FAT3: variants seen among roughly 807,000 people sequenced by gnomAD.
FAT3 encodes protocadherin Fat 3.
In FAT3, 95 loss-of-function variants were observed where a neutral mutation model predicts 310.2. The ratio of observed to expected loss-of-function variants is 0.31; its 90% confidence interval spans 0.26 to 0.36. FAT3 has a LOEUF of 0.36. Among genes scored for constraint, FAT3 ranks in the 10% least tolerant of loss-of-function variants. FAT3 has a pLI of 1.00. For missense variants in FAT3, 5,408 were observed against 5,715.6 expected, an observed-to-expected ratio of 0.95 and a Z score of 1.74; for synonymous variants, 2,314 against 2,192.9, an observed-to-expected ratio of 1.06 and a Z score of -1.54.
In FAT3 at chr11:92,352,941, G is replaced by C. The variant is rs1013692103; in HGVS notation, c.829G>C (p.Glu277Gln). The C allele has an allele frequency of 6.2e-7, 1 of 1,613,842 alleles. No individual in the cohort carries two copies. Among genetic ancestry groups the C allele is most frequent in the Admixed American group, 1.7e-5 (1 of 59,970 alleles). Residue 277 changes from glutamate to glutamine, a missense_variant, in exon 2 of 28, where the codon GAA (glutamate) becomes CAA (glutamine). This residue lies in a region of FAT3 where 4,588 missense variants were observed against 4,809.8 expected (regional missense o/e 0.95). Coordinates refer to ENST00000525166, the MANE Select transcript of FAT3 (RefSeq NM_001367949.2). The part of the protein sequence containing the change: ...HVVTHVPFSL[E>Q]KEPTYAVVTV... Reference sequence around the variant, plus strand: ...AGTCACTCATGTTCCTTTCTCGTTGGAAAAAGAGCCAACATATGCAGTGGT... The same window carrying C: ...AGTCACTCATGTTCCTTTCTCGTTGCAAAAAGAGCCAACATATGCAGTGGT...
At chr11:92,865,272 G>C (rs181115009) in intron 21 of FAT3, among the ~76,000 whole-genome samples, 1 of 152,224 alleles carries the variant, frequency 6.6e-6, no homozygotes, top group Admixed American at 6.5e-5. Context: ...AATACGTGAC[G>C]TGTGAGAATG....
intron 13 of FAT3, among the ~76,000 whole-genome samples, chr11:92,822,123 C>A (rs1415115086): frequency 6.6e-6 from 1 of 152,068 alleles, no homozygotes; most frequent in East Asian, 1.9e-4. Flanking sequence ...CCAGTTTCTT[C>A]CAAACAGGGA....
At chr11:92,229,491 TG>T (rs67286215) in intron 1 of FAT3, among the ~76,000 whole-genome samples, 13,975 of 65,566 alleles carry the variant, frequency 0.21, 3,154 homozygotes, top group Non-Finnish European at 0.28. Flanking sequence ...TGTTTTTTCG[TG>T]TTTTTTTTTT....
intron 1 of FAT3, among the ~76,000 whole-genome samples, chr11:92,269,738 C>T (rs538287699): frequency 1.3e-5 from 2 of 152,198 alleles, no homozygotes; most frequent in East Asian, 3.9e-4. Context: ...TTGAGTATCA[C>T]CATATTCGAA....
intron 1 of FAT3, among the ~76,000 whole-genome samples, chr11:92,291,141 G>A (rs1269575169): frequency 6.8e-6 from 1 of 146,704 alleles, no homozygotes; most frequent in African/African-American, 2.5e-5. Flanking sequence ...AAGTAGGTGG[G>A]TATTTTCTCC....
At chr11:92,757,510 A>T (rs1457022701) in intron 4 of FAT3, among the ~76,000 whole-genome samples, 3 of 151,832 alleles carry the variant, frequency 2.0e-5, no homozygotes, top group Non-Finnish European at 4.4e-5. Flanking sequence ...CACTGCTGCT[A>T]CTCCTTTCAT....
chr11:92,772,136 C>T (rs1477081819), intron 6 of FAT3, among the ~76,000 whole-genome samples: 1 of 152,132 alleles, frequency 6.6e-6, no homozygotes, highest in Non-Finnish European at 1.5e-5. Flanking sequence ...CCCCCACCTC[C>T]AAATAATATC....
chr11:92,785,192 T>C (rs924713266), intron 7 of FAT3, among the ~76,000 whole-genome samples: 1 of 152,174 alleles, frequency 6.6e-6, no homozygotes, highest in Admixed American at 6.6e-5. Context: ...AAGTGAGTGA[T>C]AGTGCAGCCA....
At chr11:92,529,159 A>G (rs1296422412) in intron 3 of FAT3, among the ~76,000 whole-genome samples, 1 of 152,246 alleles carries the variant, frequency 6.6e-6, no homozygotes, top group South Asian at 2.1e-4. Flanking sequence ...AAACAGAACC[A>G]TCATACTTAC....
At chr11:92,612,350 G>C (rs1473926973) in intron 3 of FAT3, among the ~76,000 whole-genome samples, 1 of 151,850 alleles carries the variant, frequency 6.6e-6, no homozygotes, top group Non-Finnish European at 1.5e-5. Context: ...CATTTTATCA[G>C]TTTTGCTGGT....
intron 3 of FAT3, among the ~76,000 whole-genome samples, chr11:92,593,437 A>G (rs967644377): frequency 6.7e-6 from 1 of 148,490 alleles, no homozygotes; most frequent in Non-Finnish European, 1.5e-5. Context: ...GTCACATGCC[A>G]TTTTCTTTTT....
chr11:92,891,166 T>C lies in FAT3; in HGVS notation c.*53T>C, dbSNP rs1591866532. The C allele has an allele frequency of 6.3e-7, 1 of 1,584,184 alleles. No homozygotes were observed. The highest frequency in any genetic ancestry group is 1.1e-5 in the South Asian group (1 of 87,878). Reference sequence around the variant, plus strand: ...TTTGTTACAGAAAAGTGGAAGCAGATTGGCTGGGCTTCTGTCCCAGTGGAG... The same window carrying C: ...TTTGTTACAGAAAAGTGGAAGCAGACTGGCTGGGCTTCTGTCCCAGTGGAG... On this transcript the variant is annotated 3_prime_UTR_variant, in exon 28 of 28. Transcript: ENST00000525166.
rs771013164 is a variant in FAT3 at position 92,844,535 on chromosome 11, C to T, written c.11168C>T (p.Ser3723Phe). ...CCAGCCTACCTGATCCAGAAGCTGT[C>T]CAATGCTAGAAGACACCTGGAGAAT... ...YKPAYLIQKL[S>F]NARRHLENIM... Residue 3723 changes from serine (S) to phenylalanine (F), a missense_variant, in exon 19 of 28, where the codon TCC (serine) becomes TTC (phenylalanine). Ser to Phe is a radical substitution (Grantham distance 155). Transcript: ENST00000525166. 6 of 1,613,992 alleles carry T rather than the reference C, an allele frequency of 3.7e-6. No homozygotes were observed. In the South Asian group the frequency reaches 6.6e-5, roughly 18 times the overall value.
At chr11:92,264,942 C>A (rs1163267824) in intron 1 of FAT3, among the ~76,000 whole-genome samples, 1 of 152,028 alleles carries the variant, frequency 6.6e-6, no homozygotes, top group African/African-American at 2.4e-5. Flanking sequence ...GTCAGAGACA[C>A]CCCATGCCCA....
At chr11:92,715,878 C>G (rs577298779) in intron 4 of FAT3, among the ~76,000 whole-genome samples, 4 of 151,792 alleles carry the variant, frequency 2.6e-5, no homozygotes, top group Non-Finnish European at 4.4e-5. Context: ...GCATATGGCA[C>G]CCTTGGGAGA....
chr11:92,423,538 A>G (rs1752150116), intron 2 of FAT3, among the ~76,000 whole-genome samples: 1 of 152,168 alleles, frequency 6.6e-6, no homozygotes, highest in African/African-American at 2.4e-5. Context: ...TAATAATTAT[A>G]TCACAACAAC....
intron 3 of FAT3, among the ~76,000 whole-genome samples, chr11:92,610,073 G>A (rs752137907): frequency 3.9e-5 from 6 of 151,936 alleles, no homozygotes; most frequent in Non-Finnish European, 8.8e-5. Context: ...TAAGTAAGTC[G>A]ATATTATGTG....
At chr11:92,286,756 T>C (rs1450658010) in intron 1 of FAT3, among the ~76,000 whole-genome samples, 1 of 152,218 alleles carries the variant, frequency 6.6e-6, no homozygotes, top group Admixed American at 6.5e-5. Flanking sequence ...CTATTAACGC[T>C]TGTGGCATCT....
chr11:92,331,015 AGAGAG>A (rs1947910892), intron 1 of FAT3, among the ~76,000 whole-genome samples: 1 of 139,122 alleles, frequency 7.2e-6, no homozygotes, highest in African/African-American at 2.6e-5. Context: ...AGAGAGAGAG[AGAGAG>A]AAACATTTAC....
Sources: allele counts gnomAD v4.1 joint callset (sites outside exome capture counted in the v4.1 genomes callset), GRCh38; gene constraint gnomAD v4.1.1; regional missense constraint gnomAD v4.1.1; transcripts MANE v1.5; gene names NCBI Gene and HGNC (gene_info 2026-07-23, HGNC 2026-07-21).